CSMD3: variants seen among roughly 807,000 people sequenced by gnomAD.
CSMD3 encodes CUB and Sushi multiple domains 3.
A neutral mutation model predicts 435.2 loss-of-function variants in CSMD3; 177 were observed. The ratio of observed to expected loss-of-function variants is 0.41; its 90% CI spans 0.36 to 0.46. The LOEUF is 0.46. Ranked by LOEUF, CSMD3 falls within the 20% of genes least tolerant of loss-of-function variation. The probability of loss-of-function intolerance (pLI) is 0.34; values close to 1 mark genes in which losing one functional copy is unlikely to be tolerated. For synonymous variants in CSMD3, 1,656 were observed against 1,520.5 expected (o/e 1.09, Z -2.07); for missense variants, 4,265 against 4,504.6 (o/e 0.95, Z 1.52).
chr8:112,589,370 G>T (rs1830985886), intron 22 of CSMD3, among the ~76,000 whole-genome samples: 1 of 152,116 alleles, frequency 6.6e-6, no homozygotes, highest in Non-Finnish European at 1.5e-5. Flanking sequence ...GGTCCCAAGA[G>T]ATGTGAATAA....
intron 2 of CSMD3, among the ~76,000 whole-genome samples, chr8:113,282,756 A>T (rs917457413): frequency 5.3e-5 from 8 of 152,198 alleles, no homozygotes; most frequent in Middle Eastern, 3.4e-3. Context: ...TATGGAACCA[A>T]AAAAGAGCCT....
chr8:112,680,099 A>G (rs906488603), intron 16 of CSMD3, among the ~76,000 whole-genome samples: 2 of 152,178 alleles, frequency 1.3e-5, no homozygotes, highest in African/African-American at 4.8e-5. Context: ...TCGTGCCTGT[A>G]ATCCCAGCAC....
rs2130655552 is a variant in CSMD3 at position 112,289,425 on chromosome 8, G to C, written c.9088C>G (p.Gln3030Glu). The change falls in exon 57 of 71, where the codon CAG becomes GAG. Residue 3030 changes from glutamine to glutamate, a missense_variant. By Grantham distance (29) the Gln-to-Glu change is conservative. Around this residue, in one of 3 missense-constraint regions of CSMD3, gnomAD observed 3,255 missense variants for 3,380.2 expected, o/e 0.96. Transcript: ENST00000297405. ...SCTGKRSLLG[Q>E]SSRTCQLNGH... ...TTCAATTGGCAGGTTCTTGATGACT[G>C]GCCTAAAAGGGAACGCTTTCCTGTG... The C allele has an allele frequency of 6.2e-7, 1 of 1,613,332 alleles. No homozygotes were observed. Among genetic ancestry groups the C allele is most frequent in the Non-Finnish European group, 8.5e-7 (1 of 1,179,562 alleles).
In CSMD3 at chr8:112,314,421, T is replaced by G. The variant is rs1822269302; in HGVS notation, c.7549+8A>C. ...GATGAATATCCAATAAATATAACCC[T>G]TGGTTACCATCATACACCTGAAGAA... On this transcript the variant is annotated splice_region_variant and intron_variant, in intron 48 of 70. Transcript: ENST00000297405. 6.4e-7 allele frequency: 1 copy of G among 1,574,692 alleles called. No individual in the cohort carries two copies. Among genetic ancestry groups the G allele is most frequent in the Non-Finnish European group, 8.7e-7 (1 of 1,144,508 alleles).
At chr8:113,139,852 A>G (rs1473330347) in intron 4 of CSMD3, among the ~76,000 whole-genome samples, 1 of 151,218 alleles carries the variant, frequency 6.6e-6, no homozygotes, top group Non-Finnish European at 1.5e-5. Context: ...TAACAGCAAA[A>G]TAATAGAAAA....
chr8:112,979,108 A>G (rs2084954554), intron 6 of CSMD3, among the ~76,000 whole-genome samples: 1 of 151,918 alleles, frequency 6.6e-6, no homozygotes, highest in African/African-American at 2.4e-5. Context: ...CTGAAGATTA[A>G]GTTGCATAAG....
chr8:113,015,245 T>C (rs756395030), intron 6 of CSMD3, among the ~76,000 whole-genome samples: 7 of 152,098 alleles, frequency 4.6e-5, no homozygotes, highest in Admixed American at 2.0e-4. Flanking sequence ...GTCCAATAAA[T>C]ATGCTTTTCT....
chr8:112,430,896 ATG>A (rs61496543), intron 32 of CSMD3, among the ~76,000 whole-genome samples: 91 of 148,630 alleles, frequency 6.1e-4, no homozygotes, highest in South Asian at 3.2e-3. Context: ...TTGTGTGTAT[ATG>A]TGTGTGTGTG....
intron 32 of CSMD3, among the ~76,000 whole-genome samples, chr8:112,419,262 T>C (rs529556685): frequency 6.6e-6 from 1 of 152,286 alleles, no homozygotes; most frequent in East Asian, 1.9e-4. Context: ...TGCAGAAGCA[T>C]GGCTCCACCC....
At chr8:112,589,227 C>T (rs1830974732) in intron 22 of CSMD3, among the ~76,000 whole-genome samples, 1 of 152,110 alleles carries the variant, frequency 6.6e-6, no homozygotes, top group South Asian at 2.1e-4. Flanking sequence ...GTGTGCCTGT[C>T]CAGCTATTAC....
intron 36 of CSMD3, among the ~76,000 whole-genome samples, chr8:112,389,698 CT>C (rs1202991849): frequency 1.3e-5 from 2 of 152,098 alleles, no homozygotes; most frequent in Non-Finnish European, 2.9e-5. Flanking sequence ...TTCCACAACT[CT>C]TATATGTCTC....
At chr8:112,556,457 T>A (rs978487194) in intron 25 of CSMD3, among the ~76,000 whole-genome samples, 2 of 152,012 alleles carry the variant, frequency 1.3e-5, no homozygotes, top group African/African-American at 4.8e-5. Context: ...ATGTGTATAA[T>A]TAAAAGTCTT....
At chr8:112,325,900 A>G (rs1182545883) in intron 45 of CSMD3, among the ~76,000 whole-genome samples, 1 of 152,106 alleles carries the variant, frequency 6.6e-6, no homozygotes. Context: ...GGCAGTTATG[A>G]GAATCAAATG....
chr8:112,557,803 G>A (rs1480950994), intron 24 of CSMD3, among the ~76,000 whole-genome samples: 4 of 151,842 alleles, frequency 2.6e-5, no homozygotes, highest in African/African-American at 9.7e-5. Flanking sequence ...AACCAATAAA[G>A]GTGAGTAAAT....
chr8:113,377,207 C>T, intron 1 of CSMD3: 1 of 1,079,840 alleles, frequency 9.3e-7, no homozygotes. Context: ...GAAGTTCGAG[C>T]GCGCGAGAGA....
intron 22 of CSMD3, among the ~76,000 whole-genome samples, chr8:112,611,278 C>T (rs1833239793): frequency 6.6e-6 from 1 of 152,120 alleles, no homozygotes; most frequent in Non-Finnish European, 1.5e-5. Flanking sequence ...CAGTAAGGTA[C>T]ATCTGGTTGA....
At chr8:112,262,464 T>C (rs1293121901) in intron 61 of CSMD3, among the ~76,000 whole-genome samples, 2 of 152,050 alleles carry the variant, frequency 1.3e-5, no homozygotes, top group South Asian at 4.1e-4. Flanking sequence ...GTAGAGGACA[T>C]AGTTCAAATA....
At chr8:113,383,420 G>A (rs1467582341) in intron 1 of CSMD3, among the ~76,000 whole-genome samples, 2 of 152,046 alleles carry the variant, frequency 1.3e-5, no homozygotes, top group Non-Finnish European at 2.9e-5. Context: ...CTCTAACACA[G>A]GCATCACTAG....
intron 4 of CSMD3, among the ~76,000 whole-genome samples, chr8:113,138,656 G>A (rs1275782450): frequency 1.3e-5 from 2 of 151,282 alleles, no homozygotes; most frequent in Admixed American, 6.6e-5. Context: ...AAGGGGTTGT[G>A]TTATCGTGAT....
Sources: gnomAD v4.1 joint callset for allele counts (sites outside exome capture counted in the v4.1 genomes callset) on GRCh38, gnomAD v4.1.1 for gene constraint, gnomAD v4.1.1 regional missense constraint, MANE v1.5 for transcripts, NCBI Gene and HGNC (gene_info 2026-07-23, HGNC 2026-07-21) for gene names.